The following CDC42BPB variants were observed in gnomAD, a reference collection of about 807,000 sequenced individuals.
The protein encoded by CDC42BPB is CDC42 binding protein kinase beta.
A neutral mutation model predicts 214.9 loss-of-function variants in CDC42BPB; 37 were observed. The ratio of observed to expected loss-of-function variants is 0.17; its 90% CI spans 0.13 to 0.23. The LOEUF (loss-of-function observed/expected upper bound fraction) is 0.23, where lower values mean the gene tolerates loss of function less well. Ranked by LOEUF, CDC42BPB falls within the 10% of genes least tolerant of loss-of-function variation. The probability of loss-of-function intolerance (pLI) is 1.00; values close to 1 mark genes in which losing one functional copy is unlikely to be tolerated. For synonymous variants in CDC42BPB, 931 were observed against 884.0 expected (o/e 1.05, Z -0.94); for missense variants, 1,694 against 2,227.0 (o/e 0.76, Z 4.82).
At chr14:102,979,238 G>T (rs1334373913) in intron 8 of CDC42BPB, among the ~76,000 whole-genome samples, 1 of 149,984 alleles carries the variant, frequency 6.7e-6, no homozygotes, top group Admixed American at 6.6e-5. Flanking sequence ...TTTTGAGATG[G>T]ACTCTCGCTC....
At chr14:103,032,757 T>C (rs900798453) in intron 1 of CDC42BPB, among the ~76,000 whole-genome samples, 2 of 150,860 alleles carry the variant, frequency 1.3e-5, no homozygotes, top group African/African-American at 2.4e-5. Context: ...CCCAGCCTCC[T>C]GAGTAGCTGG....
intron 2 of CDC42BPB, among the ~76,000 whole-genome samples, chr14:103,009,895 A>G (rs191731949): frequency 1.5e-4 from 23 of 152,120 alleles, no homozygotes; most frequent in Admixed American, 1.0e-3. Flanking sequence ...TAATCCCAGC[A>G]CTCTTGAAGG....
chr14:103,045,608 G>A (rs1387691898), intron 1 of CDC42BPB, among the ~76,000 whole-genome samples: 1 of 152,158 alleles, frequency 6.6e-6, no homozygotes, highest in East Asian at 1.9e-4. Context: ...TGCTTGTACA[G>A]CCACGAGAGA....
rs772358834 is a variant in CDC42BPB at position 102,944,968 on chromosome 14, T to G, written c.3812-481A>C. ...GACGCTGCCCTCACAGGGCCCCCAGTGAAGACACTGCCCTCACACTCACAC... is the reference window on the plus strand; with the variant it reads ...GACGCTGCCCTCACAGGGCCCCCAGGGAAGACACTGCCCTCACACTCACAC... On this transcript the variant is annotated intron_variant, in intron 29 of 36. Transcript: ENST00000361246. The surrounding 1 kb of genome is among the most constrained non-coding windows in gnomAD (Gnocchi z 6.6). 6.6e-6 allele frequency among the ~76,000 whole-genome samples: 1 copy of G among 151,748 alleles called. No homozygotes were observed. The highest frequency in any genetic ancestry group is 1.5e-5 in the Non-Finnish European group (1 of 67,924).
In CDC42BPB at chr14:102,943,755, T is replaced by C. The variant is rs980508112; in HGVS notation, c.4408+136A>G. On this transcript the variant is annotated intron_variant, in intron 30 of 36. Coordinates refer to ENST00000361246, the MANE Select transcript of CDC42BPB (RefSeq NM_006035.4). The surrounding 1 kb of genome is among the most constrained non-coding windows in gnomAD (Gnocchi z 4.6). ...CCATGCTCTCTGCTGCGGGCTGGCA[T>C]GGGGCCCACCTCTCCCGATGCTCTG... 1.5e-5 allele frequency: 11 copies of C among 749,794 alleles called. No homozygotes were observed. The African/African-American group carries it at 1.6e-4, about 11-fold the overall frequency. The allele number at this position is 749,794 out of a possible 1,614,324, so 46.4% of individuals were successfully genotyped here.
intron 36 of CDC42BPB, among the ~76,000 whole-genome samples, chr14:102,937,619 G>A (rs1891698607): frequency 6.6e-6 from 1 of 152,212 alleles, no homozygotes; most frequent in Non-Finnish European, 1.5e-5. Context: ...ATTCCGCACA[G>A]GGGAAACTGA....
intron 26 of CDC42BPB, 135 bp from the exon 27 acceptor site, chr14:102,947,937 C>A: frequency 6.6e-7 from 1 of 1,506,390 alleles, no homozygotes; most frequent in South Asian, 1.3e-5. Context: ...TCCCTCGCCT[C>A]CCCAGATGTA....
At chr14:103,020,226 GAAT>G (rs1353415985) in intron 1 of CDC42BPB, among the ~76,000 whole-genome samples, 1 of 152,228 alleles carries the variant, frequency 6.6e-6, no homozygotes, top group Non-Finnish European at 1.5e-5. Context: ...TATCCATTAC[GAAT>G]AATACCTTTT....
chr14:102,948,894 G>A (rs910651295), intron 26 of CDC42BPB, among the ~76,000 whole-genome samples: 6 of 151,980 alleles, frequency 3.9e-5, no homozygotes, highest in Non-Finnish European at 8.8e-5. Flanking sequence ...CCAGGGACTG[G>A]CGGGTGCCCC....
chr14:103,013,569 C>A (rs1217733833), intron 1 of CDC42BPB, among the ~76,000 whole-genome samples: 1 of 152,242 alleles, frequency 6.6e-6, no homozygotes, highest in African/African-American at 2.4e-5. Flanking sequence ...ATAATGGCAC[C>A]TGCTGGAATA....
chr14:102,986,183 C>G lies in CDC42BPB; in HGVS notation c.690+304G>C, dbSNP rs34084724. 3.9e-3 allele frequency: 1,180 copies of G among 300,854 alleles called. 11 individuals are homozygous for G. Among genetic ancestry groups the G allele is most frequent in the African/African-American group, 0.024 (1,108 of 45,630 alleles). 18.6% of individuals were successfully genotyped at this position (300,854 alleles called of 1,614,324 possible). On this transcript the variant is annotated intron_variant, in intron 6 of 36. Transcript: ENST00000361246. ...CTTTAAGGAAGAAGCAGGGAGCGCC[C>G]TCGATCTGCTACAGGGCTGGCATGC... is the stretch of plus-strand genomic sequence containing the variant.
At position 102,932,875 on chromosome 14, in the gene CDC42BPB, T is replaced by TGGGGGG. The variant is rs1315164013; in HGVS notation, c.*831_*836dup. 10 of 60,604 alleles carry TGGGGGG rather than the reference T, an allele frequency of 1.7e-4. No individual in the cohort carries two copies. Among genetic ancestry groups the TGGGGGG allele is most frequent in the Admixed American group, 1.9e-4 (1 of 5,364 alleles). The allele number at this position is 60,604 out of a possible 1,614,324, so 3.8% of individuals were successfully genotyped here. A position where few individuals can be genotyped will look rare whatever the true frequency, so the allele number is the denominator to read the frequency against. Reference sequence around the variant, plus strand: ...GGGCTCCATGCGGGGGCAGGACTGGTGGGGGGGGGGGCGGGCAGGGCGGGG... The same window carrying TGGGGGG: ...GGGCTCCATGCGGGGGCAGGACTGGTGGGGGGGGGGGGGGGGGCGGGCAGGGCGGGG... On this transcript the variant is annotated 3_prime_UTR_variant, in exon 37 of 37. Coordinates refer to ENST00000361246, the MANE Select transcript of CDC42BPB (RefSeq NM_006035.4).
intron 5 of CDC42BPB, among the ~76,000 whole-genome samples, chr14:102,997,490 C>T (rs1894794829): frequency 6.6e-6 from 1 of 152,184 alleles, no homozygotes; most frequent in Non-Finnish European, 1.5e-5. Context: ...GAGAGGGGAT[C>T]TCTGCACTTG....
intron 1 of CDC42BPB, among the ~76,000 whole-genome samples, chr14:103,054,790 T>A (rs905388907): frequency 3.9e-5 from 6 of 152,236 alleles, no homozygotes; most frequent in Non-Finnish European, 1.5e-5. Context: ...AGAGCCAGAA[T>A]ACAACTTTGA....
At chr14:103,011,649 C>T (rs568905974) in intron 2 of CDC42BPB, among the ~76,000 whole-genome samples, 72 of 152,230 alleles carry the variant, frequency 4.7e-4, no homozygotes, top group South Asian at 1.9e-3. Flanking sequence ...AAGGCTGAGG[C>T]ATGAGGATAG....
chr14:103,041,450 G>T, intron 1 of CDC42BPB: 2 of 972,386 alleles, frequency 2.1e-6, no homozygotes, highest in South Asian at 1.5e-5. Flanking sequence ...TTCCTGCACA[G>T]AAGGGGCTCT....
In CDC42BPB at chr14:102,975,709, G is replaced by C. The variant is rs377142500; in HGVS notation, c.1482C>G (p.Ile494Met). 1.9e-6 allele frequency: 3 copies of C among 1,613,990 alleles called. No homozygotes were observed. The highest frequency in any genetic ancestry group is 1.1e-5 in the South Asian group (1 of 91,056). The change falls in exon 11 of 37, where the codon ATC (isoleucine) becomes ATG (methionine). Residue 494 changes from isoleucine (I) to methionine (M), a missense_variant. Transcript: ENST00000361246. ...DKEIKKLNEE[I>M]ERLKNKIADS... ...CTGCTATTTTATTCTTCAAGCGTTC[G>C]ATTTCTTCATTTAGCTTTTTGATTT...
Position 102,954,594 on chromosome 14 carries a change from T to C in CDC42BPB, c.2988+8A>G. The C allele has an allele frequency of 1.2e-6, 2 of 1,611,208 alleles. No individual in the cohort carries two copies. The highest frequency in any genetic ancestry group is 1.7e-6 in the Non-Finnish European group (2 of 1,177,702). ...GGTGGGAGCATCACCAGGGCAACGC[T>C]GTCTCACCTCCTGCTGCTCTGATGC... On this transcript the variant is annotated splice_region_variant and intron_variant, in intron 22 of 36. Coordinates refer to ENST00000361246, the MANE Select transcript of CDC42BPB (RefSeq NM_006035.4).
intron 5 of CDC42BPB, among the ~76,000 whole-genome samples, chr14:102,997,602 G>A (rs565296937): frequency 1.3e-5 from 2 of 152,148 alleles, no homozygotes; most frequent in Non-Finnish European, 2.9e-5. Flanking sequence ...AAACCAGATC[G>A]AGACTACCCG....
Sources: allele counts gnomAD v4.1 joint callset (sites outside exome capture counted in the v4.1 genomes callset), GRCh38; gene constraint gnomAD v4.1.1; non-coding constraint Gnocchi (gnomAD v3.1); transcripts MANE v1.5; gene names NCBI Gene and HGNC (gene_info 2026-07-23, HGNC 2026-07-21).